Variants in ADGRV1 observed in about 807,000 individuals in gnomAD.
ADGRV1 encodes the protein adhesion G protein-coupled receptor V1.
ADGRV1 carries 359 observed loss-of-function variants against 596.2 expected under a neutral mutation model. The ratio of observed to expected loss-of-function variants is 0.60; its 90% CI spans 0.55 to 0.66. The LOEUF is 0.66. ADGRV1 is among the 30% of genes least tolerant of loss of function. The probability of loss-of-function intolerance (pLI) is 0.00; values close to 1 mark genes in which losing one functional copy is unlikely to be tolerated. For missense variants in ADGRV1, 7,274 were observed against 7,575.6 expected (o/e 0.96, Z 1.48); for synonymous variants, 2,681 against 2,679.2 (o/e 1.00, Z -0.02).
chr5:90,584,174 A>C (rs1024915568), intron 1 of ADGRV1, among the ~76,000 whole-genome samples: 1 of 152,216 alleles, frequency 6.6e-6, no homozygotes, highest in East Asian at 1.9e-4. Flanking sequence ...AAAGCAGTTA[A>C]AACAGCATGT....
intron 23 of ADGRV1, chr5:90,674,490 T>A (rs1036044973): frequency 1.3e-5 from 4 of 296,350 alleles, no homozygotes; most frequent in Non-Finnish European, 2.4e-5. Flanking sequence ...ACAAAGTATT[T>A]CTGTTCATAG....
Position 90,622,611 on chromosome 5 carries a change from A to G in ADGRV1, c.468A>G (p.Ala156=), listed in dbSNP as rs1414113175. 1.4e-6 allele frequency: 2 copies of G among 1,459,236 alleles called. No individual in the cohort carries two copies. Among genetic ancestry groups the G allele is most frequent in the Non-Finnish European group, 1.8e-6 (2 of 1,103,320 alleles). 90.4% of individuals were successfully genotyped at this position (1,459,236 alleles called of 1,614,324 possible). The change falls in exon 5 of 90, where the codon GCA becomes GCG. Residue 156 remains alanine (A), a synonymous_variant. Coordinates refer to ENST00000405460, the MANE Select transcript of ADGRV1 (RefSeq NM_032119.4). ...IISFNMLPSI[A]VSEPKGRNES... is the part of the protein sequence containing the mutation. ...TTCCTCAATAGCTTCCCTCAATCGCAGTGAGTGAGCCCAAGGGCAGAAATG... is the reference window on the plus strand; with the variant it reads ...TTCCTCAATAGCTTCCCTCAATCGCGGTGAGTGAGCCCAAGGGCAGAAATG...
At chr5:90,660,796 A>G (rs1770164270) in intron 21 of ADGRV1, among the ~76,000 whole-genome samples, 1 of 152,234 alleles carries the variant, frequency 6.6e-6, no homozygotes, top group Non-Finnish European at 1.5e-5. Flanking sequence ...AATATGACAT[A>G]AAGTAATATT....
chr5:91,155,438 G>C (rs868241315), intron 89 of ADGRV1, among the ~76,000 whole-genome samples: 1 of 152,120 alleles, frequency 6.6e-6, no homozygotes, highest in Non-Finnish European at 1.5e-5. Flanking sequence ...GTAGCTTGCC[G>C]GCACCATCAA....
chr5:90,729,521 G>A, intron 49 of ADGRV1, 121 bp from the exon 50 acceptor site: 2 of 752,466 alleles, frequency 2.7e-6, no homozygotes. Flanking sequence ...ATTTTTATTG[G>A]ACTAAATGGA....
intron 84 of ADGRV1, among the ~76,000 whole-genome samples, chr5:90,982,823 G>A (rs559534543): frequency 2.6e-5 from 4 of 152,230 alleles, no homozygotes; most frequent in Non-Finnish European, 5.9e-5. Flanking sequence ...CACACTGAGC[G>A]CACTCTGCAT....
At chr5:90,716,973 T>G (rs1750197065) in intron 43 of ADGRV1, 1 of 287,658 alleles carries the variant, frequency 3.5e-6, no homozygotes, top group South Asian at 9.8e-5. Flanking sequence ...AGAAAATATA[T>G]GTATGGCTAT....
intron 82 of ADGRV1, 57 bp from the exon 83 acceptor site, chr5:90,863,700 T>C (rs941050050): frequency 1.6e-6 from 2 of 1,255,656 alleles, no homozygotes; most frequent in Admixed American, 3.4e-5. Flanking sequence ...CTTGCTATGA[T>C]GCTGTTAGAA....
chr5:90,637,011 G>A (rs1317417769), intron 10 of ADGRV1, among the ~76,000 whole-genome samples: 2 of 152,040 alleles, frequency 1.3e-5, no homozygotes, highest in African/African-American at 4.8e-5. Flanking sequence ...ATTTGTTTCA[G>A]AATTATTATA....
chr5:90,692,696 C>A lies in ADGRV1; in HGVS notation c.7043C>A (p.Pro2348His). 6.2e-7 allele frequency: 1 copy of A among 1,610,552 alleles called. No individual in the cohort carries two copies. Among genetic ancestry groups the A allele is most frequent in the African/African-American group, 1.3e-5 (1 of 74,918 alleles). ...ANIIIPANDD[P>H]YGTVAFAQMV... ...ATTATTATTCCTGCCAATGATGATC[C>A]TTATGGTACAGTAGCCTTTGCTCAG... Residue 2348 changes from proline to histidine, a missense_variant, in exon 32 of 90, where the codon CCT becomes CAT. Physicochemically the swap from Pro to His is moderately conservative, Grantham distance 77 (BLOSUM62 -2). Around this residue, in one of 5 missense-constraint regions of ADGRV1, gnomAD observed 3,643 missense variants for 3,809.2 expected, o/e 0.96. Transcript: ENST00000405460.
chr5:90,676,085 T>C lies in ADGRV1; in HGVS notation c.5319T>C (p.Val1773=). The C allele has an allele frequency of 6.3e-7, 1 of 1,596,572 alleles. No homozygotes were observed. Among genetic ancestry groups the C allele is most frequent in the Non-Finnish European group, 8.6e-7 (1 of 1,168,806 alleles). Residue 1773 remains valine, a synonymous_variant, in exon 25 of 90, where the codon GTT becomes GTC. Transcript: ENST00000405460. Reference sequence around the variant, plus strand: ...ATCAGTCTTTTATATTTCAGAATGTTGCTGGCACATTAGAATTTCAACCAG... The same window carrying C: ...ATCAGTCTTTTATATTTCAGAATGTCGCTGGCACATTAGAATTTCAACCAG... ...TAFSPEDYQN[V]AGTLEFQPGE...
intron 21 of ADGRV1, among the ~76,000 whole-genome samples, chr5:90,663,550 C>T (rs1207147189): frequency 6.6e-6 from 1 of 151,926 alleles, no homozygotes; most frequent in African/African-American, 2.4e-5. Flanking sequence ...AATTGTCTCC[C>T]ATTTTGTAGG....
intron 83 of ADGRV1, among the ~76,000 whole-genome samples, chr5:90,902,537 T>C (rs1191850125): frequency 6.6e-6 from 1 of 152,144 alleles, no homozygotes; most frequent in Non-Finnish European, 1.5e-5. Context: ...TCTGCAAGTC[T>C]TAATTCCGTG....
rs1381822938 is a variant in ADGRV1 at position 90,716,713 on chromosome 5, A to G, written c.9431A>G (p.Glu3144Gly). The change falls in exon 43 of 90, where the codon GAA (glutamate) becomes GGA (glycine). Residue 3144 changes from glutamate (E) to glycine (G), a missense_variant. Transcript: ENST00000405460. Reference sequence around the variant, plus strand: ...TCCAAAGGCTATATTGTTTTAGAAGAAGGTGTTCGATTCAAGGTACAGTAA... The same window carrying G: ...TCCAAAGGCTATATTGTTTTAGAAGGAGGTGTTCGATTCAAGGTACAGTAA... ...TPSKGYIVLEEGVRFKALQIS... is the reference protein window; with the variant it reads ...TPSKGYIVLEGGVRFKALQIS... The G allele has an allele frequency of 1.2e-6, 2 of 1,611,936 alleles. No individual in the cohort carries two copies. The highest frequency in any genetic ancestry group is 1.7e-6 in the Non-Finnish European group (2 of 1,178,268).
At chr5:90,787,147 A>G (rs988691347) in intron 67 of ADGRV1, among the ~76,000 whole-genome samples, 4 of 152,294 alleles carry the variant, frequency 2.6e-5, no homozygotes, top group African/African-American at 9.6e-5. Flanking sequence ...ATGGTGTTTC[A>G]AGAAGGAAAT....
chr5:90,629,203 A>G lies in ADGRV1; in HGVS notation c.1510-7A>G, dbSNP rs182260529. 2.7e-6 allele frequency: 4 copies of G among 1,492,546 alleles called. No homozygotes were observed. The highest frequency in any genetic ancestry group is 3.6e-6 in the Non-Finnish European group (4 of 1,114,338). The allele number at this position is 1,492,546 out of a possible 1,614,324, so 92.5% of individuals were successfully genotyped here. A position where few individuals can be genotyped will look rare whatever the true frequency, so the allele number is the denominator to read the frequency against. ...CTGTACTTTAATATTTTATTCCTTT[A>G]CTTCAGCTTTTGTTCTACATTCAGG... is the stretch of plus-strand genomic sequence containing the variant. On this transcript the variant is annotated splice_region_variant and splice_polypyrimidine_tract_variant and intron_variant, in intron 8 of 89. Coordinates refer to ENST00000405460, the MANE Select transcript of ADGRV1 (RefSeq NM_032119.4).
At chr5:90,578,958 T>C (rs994802379) in intron 1 of ADGRV1, among the ~76,000 whole-genome samples, 1 of 152,132 alleles carries the variant, frequency 6.6e-6, no homozygotes, top group African/African-American at 2.4e-5. Flanking sequence ...GGTGGTGATA[T>C]ATCATTTTTT....
intron 45 of ADGRV1, among the ~76,000 whole-genome samples, chr5:90,724,003 T>C (rs1165125470): frequency 6.6e-6 from 1 of 152,064 alleles, no homozygotes; most frequent in African/African-American, 2.4e-5. Flanking sequence ...TTGACAGCCA[T>C]TTGAAATATG....
intron 87 of ADGRV1, among the ~76,000 whole-genome samples, chr5:91,144,500 G>T (rs1358016924): frequency 6.6e-6 from 1 of 152,050 alleles, no homozygotes; most frequent in Non-Finnish European, 1.5e-5. Flanking sequence ...TAGAGATGGG[G>T]TCTCTAGGTT....
Sources: allele counts gnomAD v4.1 joint callset (sites outside exome capture counted in the v4.1 genomes callset), GRCh38; gene constraint gnomAD v4.1.1; regional missense constraint gnomAD v4.1.1; transcripts MANE v1.5; gene names NCBI Gene and HGNC (gene_info 2026-07-23, HGNC 2026-07-21).